The following SEC23IP variants were observed in gnomAD, a reference collection of about 807,000 sequenced individuals.
The protein encoded by SEC23IP is SEC23 interacting protein.
A neutral mutation model predicts 113.4 loss-of-function variants in SEC23IP; 70 were observed. The ratio of observed to expected loss-of-function variants is 0.62; its 90% CI spans 0.51 to 0.75. SEC23IP has a LOEUF of 0.75. Ranked by LOEUF, SEC23IP falls within the 30% of genes least tolerant of loss-of-function variation. SEC23IP has a pLI of 0.00. For missense variants in SEC23IP, 1,160 were observed against 1,204.9 expected (o/e 0.96, Z 0.55); for synonymous variants, 398 against 421.0 (o/e 0.95, Z 0.67).
intron 18 of SEC23IP, among the ~76,000 whole-genome samples, chr10:119,940,145 G>T: frequency 6.6e-6 from 1 of 151,662 alleles, no homozygotes; most frequent in South Asian, 2.1e-4. Context: ...CTTTGGAGGC[G>T]GTTTGCAGTG....
chr10:119,918,309 A>C, intron 9 of SEC23IP, 84 bp from the exon 10 acceptor site: 1 of 827,080 alleles, frequency 1.2e-6, no homozygotes, highest in South Asian at 1.6e-5. Flanking sequence ...CTTCTGTATG[A>C]CTTTTGACTA....
intron 15 of SEC23IP, among the ~76,000 whole-genome samples, chr10:119,931,079 A>G (rs1855582389): frequency 6.6e-6 from 1 of 152,188 alleles, no homozygotes; most frequent in Admixed American, 6.5e-5. Flanking sequence ...GATAACTCAG[A>G]GACCTTGAAT....
rs1045448081 is a variant in SEC23IP at position 119,942,000 on chromosome 10, T to C, written c.*1435T>C. Reference sequence around the variant, plus strand: ...AGATCTGGGATGGAATATGGTTTTCTTGATTCCCTTTCAGCCTTCATTTCT... The same window carrying C: ...AGATCTGGGATGGAATATGGTTTTCCTGATTCCCTTTCAGCCTTCATTTCT... On this transcript the variant is annotated 3_prime_UTR_variant, in exon 19 of 19. Transcript: ENST00000369075. 1 of 152,204 alleles carries C rather than the reference T, an allele frequency of 6.6e-6. No homozygotes were observed. Among genetic ancestry groups the C allele is most frequent in the Non-Finnish European group, 1.5e-5 (1 of 68,038 alleles). The allele number at this position is 152,204 out of a possible 1,614,324, so 9.4% of individuals were successfully genotyped here.
chr10:119,909,237 T>C, intron 5 of SEC23IP, 107 bp downstream of exon 5: 1 of 670,078 alleles, frequency 1.5e-6, no homozygotes, highest in Admixed American at 3.0e-5. Context: ...GGGAATGTTT[T>C]TGTAACAAGT....
rs1365096374 is a variant in SEC23IP at position 119,942,266 on chromosome 10, T to A, written c.*1701T>A. On this transcript the variant is annotated 3_prime_UTR_variant, in exon 19 of 19. Transcript: ENST00000369075. ...CAGCAGTCTTGCCCTTTCATTTTAA[T>A]ACTTGAGTACACAGAAAATAGAATT... The A allele has an allele frequency of 6.6e-6, 1 of 152,188 alleles. No individual in the cohort carries two copies. The highest frequency in any genetic ancestry group is 1.5e-5 in the Non-Finnish European group (1 of 68,046). The allele number at this position is 152,188 out of a possible 1,614,324, so 9.4% of individuals were successfully genotyped here.
At chr10:119,912,722 C>T (rs1340439261) in intron 6 of SEC23IP, among the ~76,000 whole-genome samples, 2 of 150,672 alleles carry the variant, frequency 1.3e-5, no homozygotes, top group Non-Finnish European at 3.0e-5. Context: ...CTCATTACAA[C>T]CTCCGCCTCC....
At chr10:119,909,205 C>A in intron 5 of SEC23IP, 75 bp downstream of exon 5, 1 of 968,308 alleles carries the variant, frequency 1.0e-6, no homozygotes, top group South Asian at 1.6e-5. Context: ...ATAAATTGTT[C>A]ATTTTTAGTA....
chr10:119,931,257 G>A (rs1431120530), intron 15 of SEC23IP, among the ~76,000 whole-genome samples: 1 of 132,820 alleles, frequency 7.5e-6, no homozygotes, highest in Non-Finnish European at 1.5e-5. Context: ...TCCAGTCTCC[G>A]AGAGACTCCG....
At chr10:119,919,634 T>C (rs752167372) in intron 11 of SEC23IP, 38 bp downstream of exon 11, 3 of 1,510,794 alleles carry the variant, frequency 2.0e-6, no homozygotes, top group South Asian at 2.7e-5. Flanking sequence ...TTTGAAATTG[T>C]TTTTCTTGTG....
chr10:119,925,247 C>T (rs1855380974), intron 12 of SEC23IP, among the ~76,000 whole-genome samples: 1 of 151,418 alleles, frequency 6.6e-6, no homozygotes, highest in Non-Finnish European at 1.5e-5. Context: ...CTAGTTAACT[C>T]CTCCTACCAC....
chr10:119,927,529 C>T (rs187324785), intron 13 of SEC23IP, among the ~76,000 whole-genome samples: 1 of 152,260 alleles, frequency 6.6e-6, no homozygotes, highest in East Asian at 1.9e-4. Context: ...TTTTCTATGT[C>T]ATATTCTCCT....
rs754541396 is a variant in SEC23IP, at chr10:119,892,902, C to A, written c.120C>A (p.Val40=). Residue 40 remains valine (V), a synonymous_variant, in exon 1 of 19, where the codon GTC becomes GTA. Coordinates refer to ENST00000369075, the MANE Select transcript of SEC23IP (RefSeq NM_007190.4). ...EFSFNVPFIP[V]TQASASPASL... ...GCTTCAATGTGCCCTTCATCCCAGT[C>A]ACCCAGGCCTCCGCTTCTCCGGCCT... The A allele has an allele frequency of 1.9e-6, 3 of 1,613,680 alleles. No individual in the cohort carries two copies. The South Asian group carries it at 3.3e-5, about 18-fold the overall frequency.
chr10:119,925,923 A>G, intron 12 of SEC23IP, 113 bp from the exon 13 acceptor site: 1 of 829,030 alleles, frequency 1.2e-6, no homozygotes, highest in South Asian at 2.0e-5. Flanking sequence ...TGTTGTTACT[A>G]TTCCTAAGAA....
At chr10:119,914,926 G>C in intron 7 of SEC23IP, 107 bp downstream of exon 7, 1 of 959,440 alleles carries the variant, frequency 1.0e-6, no homozygotes, top group East Asian at 2.4e-5. Flanking sequence ...ACTTGCTGAG[G>C]AGTCTGTAAG....
chr10:119,906,161 G>A (rs926850995), intron 4 of SEC23IP, among the ~76,000 whole-genome samples: 2 of 151,646 alleles, frequency 1.3e-5, no homozygotes, highest in Non-Finnish European at 2.9e-5. Context: ...CCATGCCTGT[G>A]GTCTTAGCTA....
At chr10:119,932,856 G>A (rs1339022786) in intron 16 of SEC23IP, 149 bp from the exon 17 acceptor site, 2 of 628,720 alleles carry the variant, frequency 3.2e-6, no homozygotes, top group East Asian at 5.7e-5. Flanking sequence ...TCTTCCCCTG[G>A]CTCTTTGGAG....
intron 18 of SEC23IP, among the ~76,000 whole-genome samples, chr10:119,937,037 G>A (rs1855812583): frequency 1.3e-5 from 2 of 151,614 alleles, no homozygotes; most frequent in Non-Finnish European, 1.5e-5. Context: ...ACAGGCGCCC[G>A]CTGCTGTGCC....
At chr10:119,928,959 A>G (rs1855502845) in intron 13 of SEC23IP, among the ~76,000 whole-genome samples, 1 of 152,234 alleles carries the variant, frequency 6.6e-6, no homozygotes, top group Non-Finnish European at 1.5e-5. Flanking sequence ...TTTCAATCAC[A>G]TGTGAGCTTG....
intron 4 of SEC23IP, among the ~76,000 whole-genome samples, chr10:119,904,984 A>G (rs1025093582): frequency 6.6e-6 from 1 of 152,134 alleles, no homozygotes; most frequent in African/African-American, 2.4e-5. Context: ...AAATACAAAA[A>G]CTAGCCAGGC....
Sources: allele counts gnomAD v4.1 joint callset (sites outside exome capture counted in the v4.1 genomes callset), GRCh38; gene constraint gnomAD v4.1.1; transcripts MANE v1.5; gene names NCBI Gene and HGNC (gene_info 2026-07-23, HGNC 2026-07-21).